The following DNAH10 variants were observed in gnomAD, a reference collection of about 807,000 sequenced individuals.
DNAH10 encodes dynein axonemal heavy chain 10.
In DNAH10, 348 loss-of-function variants were observed where a neutral mutation model predicts 506.6. That is an observed-to-expected ratio of 0.69 (90% confidence interval 0.63 to 0.75). The LOEUF (loss-of-function observed/expected upper bound fraction) is 0.75. Among genes scored for constraint, DNAH10 ranks in the 30% least tolerant of loss-of-function variants. The pLI, the probability that DNAH10 is intolerant of heterozygous loss-of-function variation, is 0.00. For synonymous variants in DNAH10, 2,059 were observed against 2,198.6 expected (o/e 0.94, Z 1.78); for missense variants, 5,179 against 5,787.1 (o/e 0.89, Z 3.41).
chr12:123,774,316 T>A, intron 5 of DNAH10, 52 bp downstream of exon 5: 1 of 1,401,956 alleles, frequency 7.1e-7, no homozygotes, highest in Non-Finnish European at 9.8e-7. Flanking sequence ...TGAGGTCATG[T>A]GGTTTGTTTA....
rs377361474 is a variant in DNAH10 at position 123,795,361 on chromosome 12, G to A, written c.1986+1249G>A. Among the ~76,000 whole-genome samples, 80 of 152,228 alleles carry A rather than the reference G, an allele frequency of 5.3e-4. No homozygotes were observed. In the Middle Eastern group the frequency reaches 0.017, roughly 32 times the overall value. On this transcript the variant is annotated intron_variant, in intron 12 of 78. Transcript: ENST00000673944. Reference sequence around the variant, plus strand: ...GATTTATTCTCTTATGGTACTGGAGGTCAGAAGTTTGCCACGGGTGTCCCT... The same window carrying A: ...GATTTATTCTCTTATGGTACTGGAGATCAGAAGTTTGCCACGGGTGTCCCT...
At position 123,879,777 on chromosome 12, in the gene DNAH10, C is replaced by T. The variant is rs571169252; in HGVS notation, c.8610C>T (p.Tyr2870=). Residue 2870 remains tyrosine (Y), a synonymous_variant, in exon 50 of 79, where the codon TAC becomes TAT. Transcript: ENST00000673944. ...EPRIYEDIQD[Y]EAAKALFQEI... ...GCATTTATGAAGACATCCAGGACTA[C>T]GAGGCGGCCAAGGCTCTGTTCCAGG... is the stretch of plus-strand genomic sequence containing the variant. 3.8e-5 allele frequency: 62 copies of T among 1,613,978 alleles called. No individual in the cohort carries two copies. The South Asian group carries it at 5.6e-4, about 15-fold the overall frequency.
Position 123,897,776 on chromosome 12 carries a change from A to G in DNAH10, c.9287A>G (p.Asn3096Ser). 1 of 1,606,674 alleles carries G rather than the reference A, an allele frequency of 6.2e-7. No homozygotes were observed. ...HAVAKSFLGY[N>S]PMIPAENIEN... ...TTTATTCCTTCCTCTTCAGGGTATA[A>G]TCCAATGATCCCGGCAGAAAATATA... The change falls in exon 55 of 79, where the codon AAT (asparagine) becomes AGT (serine). Residue 3096 changes from asparagine to serine, a missense_variant. Physicochemically the swap from Asn to Ser is conservative, Grantham distance 46. Around this residue, in one of 3 missense-constraint regions of DNAH10, gnomAD observed 4,844 missense variants for 5,430.5 expected, o/e 0.89. Coordinates refer to ENST00000673944, the MANE Select transcript of DNAH10 (RefSeq NM_001372106.1).
At chr12:123,852,055 C>T (rs915624352) in intron 35 of DNAH10, among the ~76,000 whole-genome samples, 3 of 152,100 alleles carry the variant, frequency 2.0e-5, no homozygotes, top group Non-Finnish European at 2.9e-5. Context: ...ACAGGTTGTG[C>T]CACTGCACCC....
At position 123,925,202 on chromosome 12, in the gene DNAH10, G is replaced by A. The variant is rs1488857812; in HGVS notation, c.11919G>A (p.Glu3973=). The change falls in exon 68 of 79, where the codon GAG becomes GAA. Residue 3973 remains glutamate, a splice_region_variant and synonymous_variant. Transcript: ENST00000673944. The surrounding 1 kb of genome is among the most constrained non-coding windows in gnomAD (Gnocchi z 4.0). ...VTDYVTVTMG[E]KYVQPPMISF... ...ACTATGTGACTGTAACAATGGGAGA[G>A]AAGTAAGTGTGTCGTTTTGTTGATT... 4.3e-6 allele frequency: 7 copies of A among 1,613,800 alleles called. No homozygotes were observed. The highest frequency in any genetic ancestry group is 5.9e-6 in the Non-Finnish European group (7 of 1,179,824).
At chr12:123,816,974 C>T (rs1423324047) in intron 21 of DNAH10, among the ~76,000 whole-genome samples, 1 of 152,108 alleles carries the variant, frequency 6.6e-6, no homozygotes, top group Non-Finnish European at 1.5e-5. Context: ...GAAACACCAA[C>T]TTTGGGTTTT....
At chr12:123,899,593 C>G (rs1455588804) in intron 56 of DNAH10, among the ~76,000 whole-genome samples, 1 of 152,228 alleles carries the variant, frequency 6.6e-6, no homozygotes, top group Non-Finnish European at 1.5e-5. Flanking sequence ...ACTGCCTCTC[C>G]CCGACTCCCA....
chr12:123,833,286 C>T lies in DNAH10; in HGVS notation c.4718C>T (p.Pro1573Leu), dbSNP rs1183948766. The T allele has an allele frequency of 3.7e-6, 6 of 1,613,712 alleles. No homozygotes were observed. In the South Asian group the frequency reaches 6.6e-5, roughly 18 times the overall value. ...QSISGSRFVG[P>L]FLQTVHKWEK... ...ATCTCAGGAAGCAGATTTGTGGGGC[C>T]TTTTCTGCAAACTGTTCACAAATGG... is the stretch of plus-strand genomic sequence containing the variant. The change falls in exon 27 of 79, where the codon CCT becomes CTT. Residue 1573 changes from proline to leucine, a missense_variant. By Grantham distance (98) the Pro-to-Leu change is moderately conservative. This residue lies in a region of DNAH10 where 4,844 missense variants were observed against 5,430.5 expected (regional missense o/e 0.89). Coordinates refer to ENST00000673944, the MANE Select transcript of DNAH10 (RefSeq NM_001372106.1).
At chr12:123,847,540 A>G (rs1951010785) in intron 32 of DNAH10, among the ~76,000 whole-genome samples, 1 of 152,152 alleles carries the variant, frequency 6.6e-6, no homozygotes, top group East Asian at 1.9e-4. Flanking sequence ...CCGAAGTGCC[A>G]AGGGTAGAAG....
At chr12:123,779,180 G>A (rs1957550690) in intron 5 of DNAH10, among the ~76,000 whole-genome samples, 1 of 152,032 alleles carries the variant, frequency 6.6e-6, no homozygotes, top group East Asian at 1.9e-4. Flanking sequence ...TGGGATTACA[G>A]GTGTGAGCCA....
At chr12:123,931,293 G>A (rs1263773528) in intron 73 of DNAH10, 48 bp from the exon 74 acceptor site, 1 of 1,603,710 alleles carries the variant, frequency 6.2e-7, no homozygotes, top group Non-Finnish European at 8.5e-7. Context: ...CCCTGAGAAA[G>A]CACAGGTGGC....
chr12:123,796,151 A>G (rs775646770), intron 12 of DNAH10, among the ~76,000 whole-genome samples: 4 of 152,196 alleles, frequency 2.6e-5, no homozygotes, highest in African/African-American at 9.6e-5. Context: ...GGAGCATTGC[A>G]TATGTTGAAG....
chr12:123,790,882 T>C (rs1349280030), intron 11 of DNAH10, among the ~76,000 whole-genome samples: 1 of 152,140 alleles, frequency 6.6e-6, no homozygotes, highest in Non-Finnish European at 1.5e-5. Context: ...GCCAACACTT[T>C]GGGAGGCCGA....
chr12:123,781,190 G>C lies in DNAH10; in HGVS notation c.732G>C (p.Met244Ile). The C allele has an allele frequency of 6.2e-7, 1 of 1,614,142 alleles. No individual in the cohort carries two copies. Residue 244 changes from methionine (M) to isoleucine (I), a missense_variant, in exon 6 of 79, where the codon ATG becomes ATC. Physicochemically the swap from Met to Ile is conservative, Grantham distance 10 (BLOSUM62 1). Transcript: ENST00000673944. ...SSEHESDLPP[M>I]PGEAVEYHSI... ...AGCATGAATCAGACCTGCCGCCCAT[G>C]CCTGGGGAGGCAGTAGAATATCACA... is the stretch of plus-strand genomic sequence containing the variant.
At chr12:123,869,365 C>T (rs775545513) in intron 43 of DNAH10, among the ~76,000 whole-genome samples, 6 of 152,122 alleles carry the variant, frequency 3.9e-5, no homozygotes, top group African/African-American at 7.2e-5. Context: ...CTGCTGAATC[C>T]CTCCGAGAAA....
chr12:123,771,249 C>T (rs1216250453), intron 2 of DNAH10, among the ~76,000 whole-genome samples: 1 of 152,184 alleles, frequency 6.6e-6, no homozygotes, highest in Non-Finnish European at 1.5e-5. Context: ...GGATTATAGG[C>T]ATGAGCCACT....
chr12:123,867,942 G>A lies in DNAH10; in HGVS notation c.7342G>A (p.Gly2448Arg). 1 of 1,613,896 alleles carries A rather than the reference G, an allele frequency of 6.2e-7. No individual in the cohort carries two copies. The highest frequency in any genetic ancestry group is 1.1e-5 in the South Asian group (1 of 91,040). Residue 2448 changes from glycine to arginine, a missense_variant, in exon 43 of 79, where the codon GGA becomes AGA. By Grantham distance (125) the Gly-to-Arg change is moderately radical. Coordinates refer to ENST00000673944, the MANE Select transcript of DNAH10 (RefSeq NM_001372106.1). ...CAAGATGTTGGATGCGTTGCTAGAA[G>A]GAGAAATAGAAGACCTTGACCTGCT... The part of the protein sequence containing the change: ...LAKMLDALLE[G>R]EIEDLDLLEC...
In DNAH10 at chr12:123,926,275, C is replaced by A; in HGVS notation, c.11922-362C>A. On this transcript the variant is annotated intron_variant, in intron 68 of 78. Transcript: ENST00000673944. The surrounding 1 kb of genome is among the most constrained non-coding windows in gnomAD (Gnocchi z 4.1). ...AAAAAAGAAAAAGAAAAAACCCACA[C>A]ACAAAACACAAAACTCAAAACTCAA... is the stretch of plus-strand genomic sequence containing the variant. The A allele has an allele frequency of 9.1e-6, 2 of 219,296 alleles. No homozygotes were observed. Among genetic ancestry groups the A allele is most frequent in the East Asian group, 9.4e-5 (1 of 10,592 alleles). 13.6% of individuals were successfully genotyped at this position (219,296 alleles called of 1,614,324 possible). A position where few individuals can be genotyped will look rare whatever the true frequency, so the allele number is the denominator to read the frequency against.
In DNAH10 at chr12:123,916,510, G is replaced by A; in HGVS notation, c.10776G>A (p.Lys3592=). 2 of 1,613,818 alleles carry A rather than the reference G, an allele frequency of 1.2e-6. No individual in the cohort carries two copies. Among genetic ancestry groups the A allele is most frequent in the Non-Finnish European group, 1.7e-6 (2 of 1,179,854 alleles). ...TCAAGCAGCTAGAGATGTCCATAAA[G>A]TACGGGACCCCTTTCCTGTTCCGCG... ...DFLKQLEMSI[K]YGTPFLFRDV... The change falls in exon 63 of 79, where the codon AAG becomes AAA. Residue 3592 remains lysine, a synonymous_variant. Coordinates refer to ENST00000673944, the MANE Select transcript of DNAH10 (RefSeq NM_001372106.1). The surrounding 1 kb of genome is among the most constrained non-coding windows in gnomAD (Gnocchi z 4.6).
Sources: allele counts gnomAD v4.1 joint callset (sites outside exome capture counted in the v4.1 genomes callset), GRCh38; gene constraint gnomAD v4.1.1; regional missense constraint gnomAD v4.1.1; non-coding constraint Gnocchi (gnomAD v3.1); transcripts MANE v1.5; gene names NCBI Gene and HGNC (gene_info 2026-07-23, HGNC 2026-07-21).